TNRC18: variants seen among roughly 807,000 people sequenced by gnomAD.
The protein encoded by TNRC18 is trinucleotide repeat containing 18.
TNRC18 carries 69 observed loss-of-function variants against 226.7 expected under a neutral mutation model. The observed-to-expected ratio is 0.30, with a 90% CI of 0.25 to 0.37. The LOEUF (loss-of-function observed/expected upper bound fraction) is 0.37, where lower values mean the gene tolerates loss of function less well. Ranked by LOEUF, TNRC18 falls within the 10% of genes least tolerant of loss-of-function variation. The probability of loss-of-function intolerance (pLI) is 1.00; values close to 1 mark genes in which losing one functional copy is unlikely to be tolerated. For synonymous variants in TNRC18, 2,449 were observed against 1,927.6 expected (o/e 1.27, Z -7.09); for missense variants, 4,754 against 4,256.6 (o/e 1.12, Z -3.25).
At chr7:5,321,299 G>T in intron 21 of TNRC18, 109 bp from the exon 22 acceptor site, 1 of 777,664 alleles carries the variant, frequency 1.3e-6, no homozygotes, top group Non-Finnish European at 2.1e-6. Flanking sequence ...CCCTGGTACC[G>T]GGTGGGCCTG....
rs1268048097 is a variant in TNRC18 at position 5,376,156 on chromosome 7, G to A, written c.2677C>T (p.Leu893=). 8 of 1,581,524 alleles carry A rather than the reference G, an allele frequency of 5.1e-6. No individual in the cohort carries two copies. In the African/African-American group the frequency reaches 8.1e-5, roughly 16 times the overall value. ...AGCTGCAGCTGCTGGGCGTGGTGCAGGGGGCTGCGGCCCGGCGGGTACAGG... is the reference window on the plus strand; with the variant it reads ...AGCTGCAGCTGCTGGGCGTGGTGCAAGGGGCTGCGGCCCGGCGGGTACAGG... The part of the protein sequence containing the change: ...PALYPPGRSP[L]HHAQQLQLFS... Residue 893 remains leucine (L), a synonymous_variant, in exon 9 of 30, where the codon CTG becomes TTG. Coordinates refer to ENST00000430969, the MANE Select transcript of TNRC18 (RefSeq NM_001080495.3).
intron 10 of TNRC18, among the ~76,000 whole-genome samples, chr7:5,373,712 G>A (rs1794369574): frequency 6.6e-6 from 1 of 152,152 alleles, no homozygotes; most frequent in Non-Finnish European, 1.5e-5. Flanking sequence ...CCCAGAATGG[G>A]TGTCCCTGGA....
chr7:5,312,240 C>G lies in TNRC18; in HGVS notation c.8388+263G>C, dbSNP rs1197792927. 6.6e-6 allele frequency among the ~76,000 whole-genome samples: 1 copy of G among 152,264 alleles called. No homozygotes were observed. Among genetic ancestry groups the G allele is most frequent in the Non-Finnish European group, 1.5e-5 (1 of 68,050 alleles). ...TCTTTGCACGTTTCCTTCATCTGGGCTCCACGAGGGTGGCTCTGCGTCCCG... is the reference window on the plus strand; with the variant it reads ...TCTTTGCACGTTTCCTTCATCTGGGGTCCACGAGGGTGGCTCTGCGTCCCG... On this transcript the variant is annotated intron_variant, in intron 27 of 29. Transcript: ENST00000430969. This position sits in a 1 kb window ranked among gnomAD's most constrained non-coding sequence, Gnocchi z 6.3.
At chr7:5,417,539 C>T (rs1016050255) in intron 2 of TNRC18, among the ~76,000 whole-genome samples, 1 of 152,192 alleles carries the variant, frequency 6.6e-6, no homozygotes, top group African/African-American at 2.4e-5. Flanking sequence ...CCTGAATCCC[C>T]GGAAGAACAT....
Position 5,309,068 on chromosome 7 carries a change from C to G in TNRC18, c.8625+64G>C. The G allele has an allele frequency of 9.2e-6, 14 of 1,515,386 alleles. No individual in the cohort carries two copies. The highest frequency in any genetic ancestry group is 1.2e-5 in the Non-Finnish European group (13 of 1,115,622). The allele number at this position is 1,515,386 out of a possible 1,614,324, so 93.9% of individuals were successfully genotyped here. On this transcript the variant is annotated intron_variant, in intron 28 of 29. Transcript: ENST00000430969. The surrounding 1 kb of genome is among the most constrained non-coding windows in gnomAD (Gnocchi z 5.7). Reference sequence around the variant, plus strand: ...TGCTGATGCTCCAGCACCCAGAACGCCTCGCCCTCAGGTCTGCCCTACACC... The same window carrying G: ...TGCTGATGCTCCAGCACCCAGAACGGCTCGCCCTCAGGTCTGCCCTACACC...
Position 5,325,079 on chromosome 7 carries a change from G to T in TNRC18, c.6300+17C>A. 6.5e-7 allele frequency: 1 copy of T among 1,549,396 alleles called. No individual in the cohort carries two copies. On this transcript the variant is annotated intron_variant, in intron 20 of 29. Transcript: ENST00000430969. ...TGAGCCCCCCACAGCCCCCAACCAGGGCACGGTGAGCCTCACCTCCTTCTT... is the reference window on the plus strand; with the variant it reads ...TGAGCCCCCCACAGCCCCCAACCAGTGCACGGTGAGCCTCACCTCCTTCTT...
intron 19 of TNRC18, 54 bp downstream of exon 19, chr7:5,332,568 C>G: frequency 1.4e-6 from 2 of 1,473,608 alleles, no homozygotes; most frequent in Non-Finnish European, 1.8e-6. Context: ...GGGCCCCTCC[C>G]TCACGGAACC....
intron 19 of TNRC18, 180 bp from the exon 20 acceptor site, chr7:5,325,428 GTT>G (rs541568896): frequency 4.1e-4 from 191 of 467,006 alleles, no homozygotes; most frequent in East Asian, 6.3e-4. Context: ...GTTTTTTTTT[GTT>G]TTTTTTTTTT....
At chr7:5,381,350 C>T (rs1377558257) in intron 5 of TNRC18, among the ~76,000 whole-genome samples, 1 of 152,132 alleles carries the variant, frequency 6.6e-6, no homozygotes. Flanking sequence ...TCGAGGATGC[C>T]CCACCCTCTC....
At chr7:5,342,579 T>C (rs1790795025) in intron 18 of TNRC18, among the ~76,000 whole-genome samples, 1 of 152,134 alleles carries the variant, frequency 6.6e-6, no homozygotes, top group Admixed American at 6.6e-5. Flanking sequence ...GGGACTGAAT[T>C]GTTGCAATGT....
chr7:5,377,063 G>T lies in TNRC18; in HGVS notation c.2462-70C>A. ...AGCGGTTTGTCCTCGGGCAGCCCCAGCCCAGCACCACCTCCCAAGTCCTGA... is the reference window on the plus strand; with the variant it reads ...AGCGGTTTGTCCTCGGGCAGCCCCATCCCAGCACCACCTCCCAAGTCCTGA... On this transcript the variant is annotated intron_variant, in intron 7 of 29. Coordinates refer to ENST00000430969, the MANE Select transcript of TNRC18 (RefSeq NM_001080495.3). The surrounding 1 kb of genome is among the most constrained non-coding windows in gnomAD (Gnocchi z 5.8). 6.6e-7 allele frequency: 1 copy of T among 1,523,474 alleles called. No homozygotes were observed. Among genetic ancestry groups the T allele is most frequent in the Admixed American group, 2.3e-5 (1 of 42,896 alleles). 94.4% of individuals were successfully genotyped at this position (1,523,474 alleles called of 1,614,324 possible).
In TNRC18 at chr7:5,333,762, G is replaced by T. The variant is rs372955009; in HGVS notation, c.5720-713C>A. Among the ~76,000 whole-genome samples, 186 of 152,198 alleles carry T rather than the reference G, an allele frequency of 1.2e-3. 1 individual carries two copies. The highest frequency in any genetic ancestry group is 4.2e-3 in the African/African-American group (173 of 41,516). On this transcript the variant is annotated intron_variant, in intron 18 of 29. Coordinates refer to ENST00000430969, the MANE Select transcript of TNRC18 (RefSeq NM_001080495.3). ...CTATGCACAAAGCACCAGCTCCCCC[G>T]ACCTCTCCTTGGAACGGCGCTAAGT...
intron 2 of TNRC18, among the ~76,000 whole-genome samples, chr7:5,416,823 T>G (rs1401230154): frequency 6.6e-6 from 1 of 151,600 alleles, no homozygotes; most frequent in Non-Finnish European, 1.5e-5. Context: ...AGACCCCGTC[T>G]CTATAGAAAA....
intron 11 of TNRC18, 28 bp from the exon 12 acceptor site, chr7:5,362,853 G>A (rs375525026): frequency 8.9e-5 from 131 of 1,475,584 alleles, no homozygotes; most frequent in Non-Finnish European, 1.1e-4. Flanking sequence ...GTAACAGGGC[G>A]CTGCTGCCAC....
intron 18 of TNRC18, among the ~76,000 whole-genome samples, chr7:5,339,563 G>C (rs1161479718): frequency 6.7e-6 from 1 of 149,654 alleles, no homozygotes; most frequent in African/African-American, 2.5e-5. Context: ...GTGTGTGTGT[G>C]TGTGTGTGTG....
In TNRC18 at chr7:5,307,842, G is replaced by A. The variant is rs539749684; in HGVS notation, c.*264C>T. On this transcript the variant is annotated 3_prime_UTR_variant, in exon 30 of 30. Transcript: ENST00000430969. The stretch of plus-strand genomic sequence containing the variant: ...CGTGCTGGGCAGGAAGGGCCGGTCC[G>A]GCCATACCCTGATAGCTAAGAGGGG... 73 of 532,518 alleles carry A rather than the reference G, an allele frequency of 1.4e-4. No individual in the cohort carries two copies. The highest frequency in any genetic ancestry group is 2.7e-4 in the South Asian group (13 of 48,412). 33.0% of individuals were successfully genotyped at this position (532,518 alleles called of 1,614,324 possible). A position where few individuals can be genotyped will look rare whatever the true frequency, so the allele number is the denominator to read the frequency against.
At chr7:5,393,781 C>T (rs1584049523) in intron 3 of TNRC18, among the ~76,000 whole-genome samples, 1 of 152,150 alleles carries the variant, frequency 6.6e-6, no homozygotes, top group African/African-American at 2.4e-5. Context: ...CTCACGACCC[C>T]GGGGAAGCCA....
In TNRC18 at chr7:5,313,835, G is replaced by A. The variant is rs953136822; in HGVS notation, c.7056C>T (p.Asn2352=). 6.7e-7 allele frequency: 1 copy of A among 1,498,172 alleles called. No individual in the cohort carries two copies. The highest frequency in any genetic ancestry group is 1.4e-5 in the African/African-American group (1 of 71,216). 92.8% of individuals were successfully genotyped at this position (1,498,172 alleles called of 1,614,324 possible). ...GGGTACTGGGGACCTCGTCTGTTGG[G>A]TTCCCCTCCTCCAGGGTAGCGGCTC... ...GDRAATLEEG[N]PTDEVPSTPL... The change falls in exon 27 of 30, where the codon AAC becomes AAT. Residue 2352 remains asparagine, a synonymous_variant. Coordinates refer to ENST00000430969, the MANE Select transcript of TNRC18 (RefSeq NM_001080495.3).
At chr7:5,322,092 A>C (rs1025518557) in intron 21 of TNRC18, among the ~76,000 whole-genome samples, 9 of 151,996 alleles carry the variant, frequency 5.9e-5, no homozygotes, top group Admixed American at 2.6e-4. Flanking sequence ...ATCCTAGCTA[A>C]CATGGTGAAA....
Sources: gnomAD v4.1 joint callset for allele counts (sites outside exome capture counted in the v4.1 genomes callset) on GRCh38, gnomAD v4.1.1 for gene constraint, Gnocchi (gnomAD v3.1) non-coding constraint, MANE v1.5 for transcripts, NCBI Gene and HGNC (gene_info 2026-07-23, HGNC 2026-07-21) for gene names.